CUL3: variants seen among roughly 807,000 people sequenced by gnomAD.
CUL3 encodes the protein cullin 3.
In CUL3, 19 loss-of-function variants were observed where a neutral mutation model predicts 89.1. That is an observed-to-expected ratio of 0.21 (90% CI 0.15 to 0.31). The LOEUF (loss-of-function observed/expected upper bound fraction) is 0.31, where lower values mean the gene tolerates loss of function less well. CUL3 is among the 10% of genes least tolerant of loss of function. The probability of loss-of-function intolerance (pLI) is 1.00; values close to 1 mark genes in which losing one functional copy is unlikely to be tolerated. For missense variants in CUL3, 469 were observed against 942.3 expected (o/e 0.50, Z 6.58); for synonymous variants, 351 against 308.4 (o/e 1.14, Z -1.45).
chr2:224,557,892 A>AAAAAAAAAAAAAAAC (rs1559221437), intron 1 of CUL3, 36 bp from the exon 2 acceptor site: 1 of 1,145,720 alleles, frequency 8.7e-7, no homozygotes, highest in Non-Finnish European at 1.2e-6. Context: ...ACAAAAAAAA[A>AAAAAAAAAAAAAAAC]AAAAAAAAAA....
rs2106197360 is a variant in CUL3, at chr2:224,503,776, A to G, written c.1253T>C (p.Leu418Pro). 6.2e-7 allele frequency: 1 copy of G among 1,603,804 alleles called. No homozygotes were observed. Among genetic ancestry groups the G allele is most frequent in the Non-Finnish European group, 8.5e-7 (1 of 1,176,742 alleles). Residue 418 changes from leucine to proline, a missense_variant, in exon 9 of 16, where the codon CTT becomes CCT. Around this residue, in one of 4 missense-constraint regions of CUL3, gnomAD observed 370 missense variants for 733.2 expected, o/e 0.50. Coordinates refer to ENST00000264414, the MANE Select transcript of CUL3 (RefSeq NM_003590.5). ...VETILDKAMV[L>P]FRFMQEKDVF... Reference sequence around the variant, plus strand: ...ATCTTTTTCTTGCATAAACCTAAAAAGGACCATTGCTTTATCCAATATTGT... The same window carrying G: ...ATCTTTTTCTTGCATAAACCTAAAAGGGACCATTGCTTTATCCAATATTGT...
At position 224,513,430 on chromosome 2, in the gene CUL3, A is replaced by G. The variant is rs903108340; in HGVS notation, c.654+94T>C. ...ATACTCCCCTCCCTTAATGGGTCTC[A>G]GTTAAAAAAGGTCAAAATAGTTAAA... On this transcript the variant is annotated intron_variant, in intron 5 of 15. Transcript: ENST00000264414. 9.4e-6 allele frequency: 8 copies of G among 846,876 alleles called. No individual in the cohort carries two copies. In the African/African-American group the frequency reaches 1.4e-4, roughly 15 times the overall value. 52.5% of individuals were successfully genotyped at this position (846,876 alleles called of 1,614,324 possible). A position where few individuals can be genotyped will look rare whatever the true frequency, so the allele number is the denominator to read the frequency against.
intron 1 of CUL3, chr2:224,560,818 G>A (rs1015591219): frequency 6.6e-6 from 1 of 152,116 alleles, no homozygotes; most frequent in Non-Finnish European, 1.5e-5. Flanking sequence ...ATTTCCCCTG[G>A]AGTTGAAGTC....
chr2:224,493,723 A>T (rs974974443), intron 13 of CUL3, among the ~76,000 whole-genome samples: 1 of 152,206 alleles, frequency 6.6e-6, no homozygotes, highest in South Asian at 2.1e-4. Flanking sequence ...TTTATAAGCC[A>T]GGACTCTGAA....
At chr2:224,581,395 C>CA (rs558137750) in intron 1 of CUL3, among the ~76,000 whole-genome samples, 2,483 of 81,696 alleles carry the variant, frequency 0.03, 54 homozygotes, top group African/African-American at 0.094. Context: ...GTTTCCATCT[C>CA]AAAAAAAAAA....
chr2:224,557,802 T>C lies in CUL3; in HGVS notation c.121A>G (p.Ile41Val), dbSNP rs756230201. ...TTATTCTTACGCTGGATTTCTTGAA[T>C]TGCATTTTTCAGAAGGTCCCAAATG... ...NSIWDLLKNAIQEIQRKNNSG... is the reference protein window; with the variant it reads ...NSIWDLLKNAVQEIQRKNNSG... The change falls in exon 2 of 16, where the codon ATT becomes GTT. Residue 41 changes from isoleucine to valine, a missense_variant. Transcript: ENST00000264414. 13 of 1,607,738 alleles carry C rather than the reference T, an allele frequency of 8.1e-6. No homozygotes were observed. The highest frequency in any genetic ancestry group is 1.0e-5 in the Non-Finnish European group (12 of 1,177,694).
In CUL3 at chr2:224,557,812, C is replaced by T. The variant is rs542286108; in HGVS notation, c.111G>A (p.Leu37=). The T allele has an allele frequency of 6.8e-7, 1 of 1,474,158 alleles. No homozygotes were observed. Among genetic ancestry groups the T allele is most frequent in the East Asian group, 3.2e-5 (1 of 31,636 alleles). The allele number at this position is 1,474,158 out of a possible 1,614,324, so 91.3% of individuals were successfully genotyped here. Residue 37 remains leucine (L), a synonymous_variant, in exon 2 of 16, where the codon CTG becomes CTA. Transcript: ENST00000264414. ...GCTGGATTTCTTGAATTGCATTTTT[C>T]AGAAGGTCCCAAATGCTGTTTACAT... ...EKYVNSIWDL[L]KNAIQEIQRK... is the part of the protein sequence containing the mutation.
At chr2:224,540,690 A>C (rs1371780733) in intron 2 of CUL3, among the ~76,000 whole-genome samples, 1 of 152,132 alleles carries the variant, frequency 6.6e-6, no homozygotes, top group Non-Finnish European at 1.5e-5. Flanking sequence ...TTCTTCTAAA[A>C]AACAAACAAA....
In CUL3 at chr2:224,556,802, G is replaced by C. The variant is rs181143713; in HGVS notation, c.264+857C>G. Among the ~76,000 whole-genome samples the C allele has an allele frequency of 3.3e-5, 5 of 152,094 alleles. No individual in the cohort carries two copies. The East Asian group carries it at 9.6e-4, about 29-fold the overall frequency. On this transcript the variant is annotated intron_variant, in intron 2 of 15. Transcript: ENST00000264414. Reference sequence around the variant, plus strand: ...CTAAAACTTACTCTCTAATGGTTCAGCAATAATAATATTGGTAACAGTAAT... The same window carrying C: ...CTAAAACTTACTCTCTAATGGTTCACCAATAATAATATTGGTAACAGTAAT...
intron 2 of CUL3, among the ~76,000 whole-genome samples, chr2:224,546,667 T>C (rs13031532): frequency 0.13 from 20,237 of 150,270 alleles, 1,540 homozygotes; most frequent in East Asian, 0.27. Flanking sequence ...AGAAATAGGA[T>C]GGGGGGGGGT....
chr2:224,477,257 T>G (rs1691355786), intron 15 of CUL3, among the ~76,000 whole-genome samples: 1 of 152,188 alleles, frequency 6.6e-6, no homozygotes, highest in Admixed American at 6.5e-5. Context: ...ATTCTCAGGC[T>G]CTGGTGGAAC....
At chr2:224,571,725 A>AC (rs1695184819) in intron 1 of CUL3, among the ~76,000 whole-genome samples, 2 of 152,234 alleles carry the variant, frequency 1.3e-5, no homozygotes, top group African/African-American at 4.8e-5. Flanking sequence ...TCATCACTGA[A>AC]CCATACCATT....
intron 7 of CUL3, 92 bp downstream of exon 7, chr2:224,506,766 G>A: frequency 9.4e-7 from 1 of 1,065,266 alleles, no homozygotes. Flanking sequence ...TAAGTTGAAA[G>A]TACACAATAC....
At chr2:224,581,563 C>T (rs555192506) in intron 1 of CUL3, among the ~76,000 whole-genome samples, 1 of 148,968 alleles carries the variant, frequency 6.7e-6, no homozygotes, top group East Asian at 2.0e-4. Flanking sequence ...AGTGCAGTGG[C>T]ACGATCTTGG....
At chr2:224,583,802 GTCTT>G (rs995876946) in intron 1 of CUL3, among the ~76,000 whole-genome samples, 5 of 152,184 alleles carry the variant, frequency 3.3e-5, no homozygotes, top group African/African-American at 9.7e-5. Flanking sequence ...ATCAAGGTAA[GTCTT>G]TCCTCACTGC....
intron 13 of CUL3, among the ~76,000 whole-genome samples, chr2:224,486,562 T>G (rs573100125): frequency 6.9e-6 from 1 of 145,654 alleles, no homozygotes; most frequent in South Asian, 2.2e-4. Flanking sequence ...AAGACAAGAT[T>G]AGGGAAAAAA....
chr2:224,515,428 T>C (rs1186483966), intron 3 of CUL3, among the ~76,000 whole-genome samples: 1 of 152,194 alleles, frequency 6.6e-6, no homozygotes, highest in Non-Finnish European at 1.5e-5. Context: ...ATAAAACTAC[T>C]GTTTTTTGTA....
chr2:224,523,969 G>C (rs1223055947), intron 3 of CUL3, among the ~76,000 whole-genome samples: 2 of 152,148 alleles, frequency 1.3e-5, no homozygotes, highest in Non-Finnish European at 2.9e-5. Flanking sequence ...AAGATGAAAA[G>C]AATTCTGGAG....
chr2:224,503,512 T>C, intron 9 of CUL3, 140 bp downstream of exon 9: 1 of 749,984 alleles, frequency 1.3e-6, no homozygotes, highest in Non-Finnish European at 2.0e-6. Context: ...TAGTCTGTGT[T>C]CTTCTCCAAA....
Sources: gnomAD v4.1 joint callset for allele counts (sites outside exome capture counted in the v4.1 genomes callset) on GRCh38, gnomAD v4.1.1 for gene constraint, gnomAD v4.1.1 regional missense constraint, MANE v1.5 for transcripts, NCBI Gene and HGNC (gene_info 2026-07-23, HGNC 2026-07-21) for gene names.